The following ERC1 variants were observed in gnomAD, a reference collection of about 807,000 sequenced individuals.
The protein encoded by ERC1 is RAB6 interacting protein 2.
A neutral mutation model predicts 132.0 loss-of-function variants in ERC1; 56 were observed. The ratio of observed to expected loss-of-function variants is 0.42; its 90% CI spans 0.34 to 0.53. The LOEUF (loss-of-function observed/expected upper bound fraction) is 0.53, where lower values mean the gene tolerates loss of function less well. ERC1 is among the 20% of genes least tolerant of loss of function. The pLI is 0.03. For synonymous variants in ERC1, 478 were observed against 476.1 expected, an observed-to-expected ratio of 1.00 and a Z score of -0.05; for missense variants, 1,202 against 1,349.9, an observed-to-expected ratio of 0.89 and a Z score of 1.72.
chr12:1,077,288 G>A (rs938627215), intron 2 of ERC1, among the ~76,000 whole-genome samples: 2 of 151,984 alleles, frequency 1.3e-5, no homozygotes, highest in East Asian at 1.9e-4. Context: ...GAGAATAAAC[G>A]GGATCAAAGT....
chr12:1,282,966 ATCTTGGAAACTACAAAAAGTGTTTT>A (rs1425722836), intron 14 of ERC1, among the ~76,000 whole-genome samples: 7 of 152,096 alleles, frequency 4.6e-5, no homozygotes, highest in Non-Finnish European at 1.0e-4. Context: ...TTCCATACGC[ATCTTGGAAACTACAAAAAGTGTTTT>A]TCTCCTGGTT....
intron 15 of ERC1, among the ~76,000 whole-genome samples, chr12:1,371,221 A>G (rs558814777): frequency 6.7e-6 from 1 of 149,762 alleles, no homozygotes; most frequent in East Asian, 1.9e-4. Context: ...CCTTGCAACC[A>G]CCATTCTACT....
At chr12:993,152 GATTTA>G (rs147682061) in intron 1 of ERC1, among the ~76,000 whole-genome samples, 1,830 of 152,278 alleles carry the variant, frequency 0.012, 36 homozygotes, top group African/African-American at 0.042. Context: ...ATAAATAAAA[GATTTA>G]ATTAACTGTA....
chr12:1,317,353 G>A (rs1022462479), intron 15 of ERC1, among the ~76,000 whole-genome samples: 1 of 151,862 alleles, frequency 6.6e-6, no homozygotes, highest in African/African-American at 2.4e-5. Context: ...GAGCTGAACC[G>A]TGAGAACACA....
chr12:1,196,941 CACACA>C (rs1594140041), intron 12 of ERC1, among the ~76,000 whole-genome samples: 2 of 42,422 alleles, frequency 4.7e-5, no homozygotes, highest in East Asian at 7.0e-4. Flanking sequence ...CACACACACA[CACACA>C]CACACACACA....
At chr12:1,039,455 A>G (rs1198511112) in intron 2 of ERC1, among the ~76,000 whole-genome samples, 1 of 151,820 alleles carries the variant, frequency 6.6e-6, no homozygotes, top group Non-Finnish European at 1.5e-5. Context: ...GTTTGACCGC[A>G]GGAGGTGGAA....
intron 2 of ERC1, among the ~76,000 whole-genome samples, chr12:1,039,853 G>T (rs1168016647): frequency 1.3e-5 from 2 of 152,152 alleles, no homozygotes; most frequent in Non-Finnish European, 2.9e-5. Flanking sequence ...CTGCTTATGG[G>T]AGTAAGAAGT....
At chr12:1,054,642 GA>G (rs1972607625) in intron 2 of ERC1, among the ~76,000 whole-genome samples, 2 of 152,114 alleles carry the variant, frequency 1.3e-5, no homozygotes, top group Admixed American at 1.3e-4. Context: ...CCCAATGAGA[GA>G]AGGGAGGTCT....
chr12:1,376,320 G>A (rs1036196811), intron 16 of ERC1, among the ~76,000 whole-genome samples: 8 of 151,986 alleles, frequency 5.3e-5, no homozygotes, highest in Non-Finnish European at 5.9e-5. Flanking sequence ...TTAAATGCCC[G>A]TCTGGCTGAA....
chr12:1,460,437 T>C (rs2093622396), intron 18 of ERC1, among the ~76,000 whole-genome samples: 1 of 152,172 alleles, frequency 6.6e-6, no homozygotes, highest in African/African-American at 2.4e-5. Context: ...CCATGAGCAG[T>C]GCTGCCAGTT....
chr12:1,020,891 C>T (rs1048088845), intron 1 of ERC1: 1 of 152,188 alleles, frequency 6.6e-6, no homozygotes, highest in African/African-American at 2.4e-5. Flanking sequence ...TATGAACATA[C>T]TTTAAAACTA....
chr12:1,463,705 G>GTGTGTGTGTGTGTGTGTGTGTGTGTT (rs1184131780), intron 18 of ERC1, among the ~76,000 whole-genome samples: 5 of 151,328 alleles, frequency 3.3e-5, no homozygotes, highest in African/African-American at 1.2e-4. Context: ...GACTGTGTGT[G>GTGTGTGTGTGTGTGTGTGTGTGTGTT]TGTGTGTGTG....
chr12:1,224,396 C>T (rs1401669409), intron 12 of ERC1, among the ~76,000 whole-genome samples: 2 of 152,050 alleles, frequency 1.3e-5, no homozygotes, highest in Admixed American at 1.3e-4. Flanking sequence ...GATAGTCATC[C>T]TTTAGCCTAT....
intron 17 of ERC1, among the ~76,000 whole-genome samples, chr12:1,442,910 A>AT (rs921823241): frequency 1.3e-4 from 19 of 151,544 alleles, no homozygotes; most frequent in South Asian, 4.2e-4. Context: ...CTTCTTTTTT[A>AT]TTTTTTTTTA....
chr12:1,184,386 C>T (rs1954835942), intron 11 of ERC1, among the ~76,000 whole-genome samples: 1 of 151,898 alleles, frequency 6.6e-6, no homozygotes, highest in Admixed American at 6.5e-5. Context: ...ATTATCTTCA[C>T]CTTCTACATT....
intron 2 of ERC1, among the ~76,000 whole-genome samples, chr12:1,062,499 G>T (rs569484148): frequency 2.2e-4 from 33 of 152,154 alleles, no homozygotes; most frequent in African/African-American, 7.5e-4. Context: ...TAGACCCAGT[G>T]GTTTTTCAGG....
rs564744274 is a variant in ERC1, at chr12:1,191,128, G to A, written c.2351+1076G>A. ...TGTAAATAACACGGGCTGATTACCT[G>A]CTCACTTATTTCCTCTTATTTTGGT... On this transcript the variant is annotated intron_variant, in intron 12 of 18. Coordinates refer to ENST00000360905, the MANE Select transcript of ERC1 (RefSeq NM_178040.4). Among the ~76,000 whole-genome samples, 7 of 152,034 alleles carry A rather than the reference G, an allele frequency of 4.6e-5. No individual in the cohort carries two copies. In the South Asian group the frequency reaches 1.5e-3, roughly 32 times the overall value.
chr12:1,125,886 G>T (rs1441028041), intron 7 of ERC1, among the ~76,000 whole-genome samples: 1 of 152,188 alleles, frequency 6.6e-6, no homozygotes, highest in Non-Finnish European at 1.5e-5. Flanking sequence ...TTGTAAGGAG[G>T]AGTTACAAAA....
intron 8 of ERC1, among the ~76,000 whole-genome samples, chr12:1,169,094 A>T (rs1336297238): frequency 6.6e-6 from 1 of 152,218 alleles, no homozygotes; most frequent in African/African-American, 2.4e-5. Flanking sequence ...CAAAATCATA[A>T]AATATGTGTA....
Sources: gnomAD v4.1 joint callset for allele counts (sites outside exome capture counted in the v4.1 genomes callset) on GRCh38, gnomAD v4.1.1 for gene constraint, MANE v1.5 for transcripts, NCBI Gene and HGNC (gene_info 2026-07-23, HGNC 2026-07-21) for gene names.